Variants in PCDHGB1 observed in about 807,000 individuals in gnomAD.
PCDHGB1 encodes protocadherin gamma subfamily B, 1.
Under a neutral mutation model 56.6 loss-of-function variants are expected in PCDHGB1, and 34 were observed. The observed-to-expected ratio is 0.60, with a 90% CI of 0.46 to 0.80. The LOEUF (loss-of-function observed/expected upper bound fraction) is 0.80. PCDHGB1 is among the 30% of genes least tolerant of loss of function. The pLI, the probability that PCDHGB1 is intolerant of heterozygous loss-of-function variation, is 0.00. For synonymous variants in PCDHGB1, 561 were observed against 505.9 expected (o/e 1.11, Z -1.46); for missense variants, 1,278 against 1,204.6 (o/e 1.06, Z -0.90).
At chr5:141,389,933 G>A (rs774443122) in intron 1 of PCDHGB1, 7 of 1,614,068 alleles carry the variant, frequency 4.3e-6, no homozygotes, top group Non-Finnish European at 5.9e-6. Context: ...CTGACCTCCA[G>A]GCTGAGCTGC....
rs766746841 is a variant in PCDHGB1 at position 141,374,327 on chromosome 5, G to A, written c.2409+21658G>A. 1.2e-5 allele frequency: 20 copies of A among 1,613,866 alleles called. No individual in the cohort carries two copies. In the East Asian group the frequency reaches 4.0e-4, roughly 32 times the overall value. ...GCTTTTCTCTCTGAATCCGCGAAAC[G>A]GCAGCTTGGTCACCGCGGGTAGGAT... is the stretch of plus-strand genomic sequence containing the variant. On this transcript the variant is annotated intron_variant, in intron 1 of 3. Coordinates refer to ENST00000523390, the MANE Select transcript of PCDHGB1 (RefSeq NM_018922.3).
rs1240234728 is a variant in PCDHGB1 at position 141,350,268 on chromosome 5, G to A, written c.8G>A (p.Arg3Lys). 3 of 1,512,380 alleles carry A rather than the reference G, an allele frequency of 2.0e-6. No homozygotes were observed. Among genetic ancestry groups the A allele is most frequent in the East Asian group, 2.3e-5 (1 of 43,948 alleles). The allele number at this position is 1,512,380 out of a possible 1,614,324, so 93.7% of individuals were successfully genotyped here. A position where few individuals can be genotyped will look rare whatever the true frequency, so the allele number is the denominator to read the frequency against. ...CCGCGGAGAGTTCCTGAAATGCAGAGAGCCAGAGAAGCCGAAATGATGAAA... is the reference window on the plus strand; with the variant it reads ...CCGCGGAGAGTTCCTGAAATGCAGAAAGCCAGAGAAGCCGAAATGATGAAA... Reference protein sequence around the residue: MQRAREAEMMKSQ... With the variant: MQKAREAEMMKSQ... Residue 3 changes from arginine to lysine, a missense_variant, in exon 1 of 4, where the codon AGA (arginine) becomes AAA (lysine). Coordinates refer to ENST00000523390, the MANE Select transcript of PCDHGB1 (RefSeq NM_018922.3).
At chr5:141,382,912 C>T in intron 1 of PCDHGB1, 1 of 1,552,240 alleles carries the variant, frequency 6.4e-7, no homozygotes, top group South Asian at 1.2e-5. Context: ...GGCGGCTCAG[C>T]CGAGGGGCGG....
At chr5:141,421,355 G>A in intron 1 of PCDHGB1, 1 of 1,613,990 alleles carries the variant, frequency 6.2e-7, no homozygotes, top group East Asian at 2.2e-5. Flanking sequence ...ACCGAAAAGG[G>A]CTCCTTCGTG....
chr5:141,476,574 G>A lies in PCDHGB1; in HGVS notation c.2410-18233G>A, dbSNP rs746783993. ...AGCGAGGCCGTGGCTCCGGGGACGC[G>A]CTTTCCGCTCGAGAGCGCGCACGAT... is the stretch of plus-strand genomic sequence containing the variant. On this transcript the variant is annotated intron_variant, in intron 1 of 3. Coordinates refer to ENST00000523390, the MANE Select transcript of PCDHGB1 (RefSeq NM_018922.3). The surrounding 1 kb of genome is among the most constrained non-coding windows in gnomAD (Gnocchi z 7.6). 40 of 1,614,084 alleles carry A rather than the reference G, an allele frequency of 2.5e-5. No homozygotes were observed. In the African/African-American group the frequency reaches 3.7e-4, roughly 15 times the overall value.
At chr5:141,458,519 T>C (rs974750749) in intron 1 of PCDHGB1, among the ~76,000 whole-genome samples, 1 of 152,110 alleles carries the variant, frequency 6.6e-6, no homozygotes, top group Non-Finnish European at 1.5e-5. Context: ...CTTTGTTTTT[T>C]TTTTTAACTT....
intron 1 of PCDHGB1, among the ~76,000 whole-genome samples, chr5:141,494,463 C>G (rs1178793763): frequency 6.6e-6 from 1 of 152,154 alleles, no homozygotes; most frequent in Non-Finnish European, 1.5e-5. Context: ...TTGTCTGCAC[C>G]TCTTCCCCCA....
At chr5:141,497,461 A>G (rs541848982) in intron 2 of PCDHGB1, among the ~76,000 whole-genome samples, 2 of 151,526 alleles carry the variant, frequency 1.3e-5, no homozygotes, top group Admixed American at 1.3e-4. Context: ...GCTCTTGGAG[A>G]TATGGAGGAG....
At chr5:141,393,740 TGAA>T in intron 1 of PCDHGB1, 1 of 1,613,888 alleles carries the variant, frequency 6.2e-7, no homozygotes, top group Non-Finnish European at 8.5e-7. Context: ...GTCTAGATTA[TGAA>T]GAATGTTCAT....
Position 141,489,169 on chromosome 5 carries a change from C to T in PCDHGB1, c.2410-5638C>T. On this transcript the variant is annotated intron_variant, in intron 1 of 3. Coordinates refer to ENST00000523390, the MANE Select transcript of PCDHGB1 (RefSeq NM_018922.3). This position sits in a 1 kb window ranked among gnomAD's most constrained non-coding sequence, Gnocchi z 4.5. ...GAGACATAAGAGACTTCAGCTGCTG[C>T]ATTCCAAGCCCTGGGTCTACCTTGG... 3 of 1,124,648 alleles carry T rather than the reference C, an allele frequency of 2.7e-6. No individual in the cohort carries two copies. The highest frequency in any genetic ancestry group is 3.8e-6 in the Non-Finnish European group (3 of 783,910). The allele number at this position is 1,124,648 out of a possible 1,614,324, so 69.7% of individuals were successfully genotyped here. A position where few individuals can be genotyped will look rare whatever the true frequency, so the allele number is the denominator to read the frequency against.
rs756464724 is a variant in PCDHGB1, at chr5:141,478,476, A to T, written c.2410-16331A>T. The T allele has an allele frequency of 5.0e-6, 8 of 1,613,838 alleles. 1 individual carries two copies. The South Asian group carries it at 7.7e-5, about 16-fold the overall frequency. The stretch of plus-strand genomic sequence containing the variant: ...GCCAGTCCACTGGCCAGCCGCCAGA[A>T]CACGCTGCGGAGCTGTGATCCGGTG... On this transcript the variant is annotated intron_variant, in intron 1 of 3. Transcript: ENST00000523390.
intron 1 of PCDHGB1, chr5:141,383,701 G>A (rs761689266): frequency 2.5e-6 from 4 of 1,613,810 alleles, no homozygotes; most frequent in South Asian, 1.1e-5. Flanking sequence ...ACATGCTATC[G>A]ACCTGGACGA....
chr5:141,427,111 C>G (rs1324091636), intron 1 of PCDHGB1: 7 of 457,560 alleles, frequency 1.5e-5, no homozygotes, highest in South Asian at 1.1e-4. Context: ...GCGGAGATCA[C>G]CTACTCTTTC....
In PCDHGB1 at chr5:141,375,349, GAC is replaced by G; in HGVS notation, c.2409+22682_2409+22683del. On this transcript the variant is annotated intron_variant, in intron 1 of 3. Transcript: ENST00000523390. ...AGGTATTCTTGTACAACATCACTGT[GAC>G]AGCCACGGACAAAGGAACACCACCT... 5 of 1,613,848 alleles carry G rather than the reference GAC, an allele frequency of 3.1e-6. No individual in the cohort carries two copies. In the South Asian group the frequency reaches 4.4e-5, roughly 14 times the overall value.
chr5:141,472,980 C>CAAAAAAAAAAA (rs60579131), intron 1 of PCDHGB1, among the ~76,000 whole-genome samples: 11 of 86,030 alleles, frequency 1.3e-4, no homozygotes, highest in Non-Finnish European at 1.3e-4. Flanking sequence ...GAGTGAAACT[C>CAAAAAAAAAAA]AAAAAAAAAA....
At chr5:141,492,778 G>A (rs2099743821) in intron 1 of PCDHGB1, among the ~76,000 whole-genome samples, 1 of 152,250 alleles carries the variant, frequency 6.6e-6, no homozygotes, top group South Asian at 2.1e-4. Context: ...GAGTGAGTGA[G>A]CCTCTATAGG....
At position 141,487,465 on chromosome 5, in the gene PCDHGB1, T is replaced by C. The variant is rs1354086784; in HGVS notation, c.2410-7342T>C. 1.9e-6 allele frequency: 3 copies of C among 1,614,194 alleles called. No individual in the cohort carries two copies. The highest frequency in any genetic ancestry group is 1.7e-6 in the Non-Finnish European group (2 of 1,180,020). Reference sequence around the variant, plus strand: ...CAGATGACCCTATCAAGTTTGTTGATGTGGGAGGCCACTCTCATGGCTGTA... The same window carrying C: ...CAGATGACCCTATCAAGTTTGTTGACGTGGGAGGCCACTCTCATGGCTGTA... On this transcript the variant is annotated intron_variant, in intron 1 of 3. Transcript: ENST00000523390. The surrounding 1 kb of genome is among the most constrained non-coding windows in gnomAD (Gnocchi z 5.0).
Position 141,476,376 on chromosome 5 carries a change from T to C in PCDHGB1, c.2410-18431T>C. ...GTGAACCGGGAGACCGGAGAGATGT[T>C]TGTGAACGACCGTCTGGATCGAGAG... On this transcript the variant is annotated intron_variant, in intron 1 of 3. Coordinates refer to ENST00000523390, the MANE Select transcript of PCDHGB1 (RefSeq NM_018922.3). The surrounding 1 kb of genome is among the most constrained non-coding windows in gnomAD (Gnocchi z 7.6). The C allele has an allele frequency of 6.2e-7, 1 of 1,614,060 alleles. No homozygotes were observed. Among genetic ancestry groups the C allele is most frequent in the Non-Finnish European group, 8.5e-7 (1 of 1,180,004 alleles).
Position 141,432,229 on chromosome 5 carries a change from C to T in PCDHGB1, c.2410-62578C>T, listed in dbSNP as rs1246285803. Reference sequence around the variant, plus strand: ...AAGAGAACGCCCAGATCACTTATTCCCTGGCTGAGAACACCATCCAAGGGG... The same window carrying T: ...AAGAGAACGCCCAGATCACTTATTCTCTGGCTGAGAACACCATCCAAGGGG... On this transcript the variant is annotated intron_variant, in intron 1 of 3. Coordinates refer to ENST00000523390, the MANE Select transcript of PCDHGB1 (RefSeq NM_018922.3). The surrounding 1 kb of genome is among the most constrained non-coding windows in gnomAD (Gnocchi z 6.0). The T allele has an allele frequency of 6.2e-7, 1 of 1,614,232 alleles. No homozygotes were observed.
Sources: gnomAD v4.1 joint callset for allele counts (sites outside exome capture counted in the v4.1 genomes callset) on GRCh38, gnomAD v4.1.1 for gene constraint, Gnocchi (gnomAD v3.1) non-coding constraint, MANE v1.5 for transcripts, NCBI Gene and HGNC (gene_info 2026-07-23, HGNC 2026-07-21) for gene names.